The following NLRP13 variants were observed in gnomAD, a reference collection of about 807,000 sequenced individuals.
The protein encoded by NLRP13 is NLR family pyrin domain containing 13, also known as NACHT, LRR and PYD domains-containing protein 13.
Under a neutral mutation model 94.4 loss-of-function variants are expected in NLRP13, and 82 were observed. The ratio of observed to expected loss-of-function variants is 0.87; its 90% CI spans 0.73 to 1.04. NLRP13 has a LOEUF of 1.04. NLRP13 is among the 50% of genes least tolerant of loss of function. NLRP13 has a pLI of 0.00. For synonymous variants in NLRP13, 553 were observed against 464.7 expected, an observed-to-expected ratio of 1.19 and a Z score of -2.45; for missense variants, 1,426 against 1,230.8, an observed-to-expected ratio of 1.16 and a Z score of -2.37.
chr19:55,911,721 T>A lies in NLRP13; in HGVS notation c.2096A>T (p.Asp699Val), dbSNP rs374792815. 2.1e-5 allele frequency: 33 copies of A among 1,599,006 alleles called. No homozygotes were observed. The highest frequency in any genetic ancestry group is 2.6e-5 in the Non-Finnish European group (30 of 1,172,998). Residue 699 changes from aspartate to valine, a missense_variant, in exon 5 of 11, where the codon GAC becomes GTC. By Grantham distance (152) the Asp-to-Val change is radical. Coordinates refer to ENST00000342929, the MANE Select transcript of NLRP13 (RefSeq NM_176810.2). Reference sequence around the variant, plus strand: ...TAATACTCACTCCAGAATTTCCAAGTCCCTTTCAAGGATGTGACTGCTAAC... The same window carrying A: ...TAATACTCACTCCAGAATTTCCAAGACCCTTTCAAGGATGTGACTGCTAAC... ...LSVSSHILER[D>V]LEILETSKFD...
At chr19:55,926,541 C>T (rs770351252) in intron 1 of NLRP13, among the ~76,000 whole-genome samples, 12 of 152,124 alleles carry the variant, frequency 7.9e-5, no homozygotes, top group Non-Finnish European at 1.5e-4. Flanking sequence ...GCCTACCCTT[C>T]CTACACCCAA....
intron 1 of NLRP13, among the ~76,000 whole-genome samples, chr19:55,927,943 C>T (rs141130025): frequency 7.9e-5 from 12 of 152,066 alleles, no homozygotes; most frequent in African/African-American, 1.9e-4. Context: ...CAGTTGTGTC[C>T]GCAAACTCAC....
downstream of NLRP13, chr19:55,895,890 TA>T: frequency 6.4e-7 from 1 of 1,562,596 alleles, no homozygotes; most frequent in Admixed American, 1.8e-5. Flanking sequence ...TCTAGAAGCC[TA>T]GTCAATCTAG....
chr19:55,912,292 C>G lies in NLRP13; in HGVS notation c.1525G>C (p.Glu509Gln), dbSNP rs201000741. The change falls in exon 5 of 11, where the codon GAA becomes CAA. Residue 509 changes from glutamate to glutamine, a missense_variant. Physicochemically the swap from Glu to Gln is conservative, Grantham distance 29 (BLOSUM62 2). Transcript: ENST00000342929. ...TAGAGAGAATCAATGAAAGGCACTT[C>G]CAGGCCCTCGATCTCAGTGTCTTCT... ...NKEDTEIEGL[E>Q]VPFIDSLYEF... The G allele has an allele frequency of 1.2e-6, 2 of 1,614,106 alleles. No homozygotes were observed. Among genetic ancestry groups the G allele is most frequent in the Non-Finnish European group, 1.7e-6 (2 of 1,180,014 alleles).
Position 55,932,159 on chromosome 19 carries a change from G to T in NLRP13, c.153C>A (p.His51Gln), listed in dbSNP as rs1167330253. The T allele has an allele frequency of 1.2e-6, 2 of 1,614,202 alleles. No individual in the cohort carries two copies. The highest frequency in any genetic ancestry group is 2.2e-5 in the East Asian group (1 of 44,864). The change falls in exon 1 of 11, where the codon CAC becomes CAA. Residue 51 changes from histidine (H) to glutamine (Q), a missense_variant. Transcript: ENST00000342929. ...LMDFWSAPQG[H>Q]FPRIPWANLR... ...AGTTTGCCCAGGGGATACGCGGGAA[G>T]TGCCCCTGGGGGGCCGACCAGAAGT...
chr19:55,904,090 C>T (rs1304747719), intron 8 of NLRP13, among the ~76,000 whole-genome samples: 1 of 152,162 alleles, frequency 6.6e-6, no homozygotes, highest in Non-Finnish European at 1.5e-5. Flanking sequence ...CTCCAACATG[C>T]TGTGCTTATT....
intron 10 of NLRP13, among the ~76,000 whole-genome samples, chr19:55,897,143 A>AG (rs1309264369): frequency 6.6e-6 from 1 of 152,206 alleles, no homozygotes; most frequent in East Asian, 1.9e-4. Flanking sequence ...TTGGCTAGCT[A>AG]CTAGAAACAC....
In NLRP13 at chr19:55,913,114, C is replaced by A. The variant is rs1986575806; in HGVS notation, c.703G>T (p.Gly235Trp). Reference sequence around the variant, plus strand: ...GTGGTCTTCCCAACCCCTGCCCTCCCCACCAAGACTATCGTCTGGGCCTGG... The same window carrying A: ...GTGGTCTTCCCAACCCCTGCCCTCCACACCAAGACTATCGTCTGGGCCTGG... ...RAQAQTIVLVGRAGVGKTTLA... is the reference protein window; with the variant it reads ...RAQAQTIVLVWRAGVGKTTLA... Residue 235 changes from glycine to tryptophan, a missense_variant, in exon 5 of 11, where the codon GGG (glycine) becomes TGG (tryptophan). By Grantham distance (184) the Gly-to-Trp change is radical (BLOSUM62 -2). Coordinates refer to ENST00000342929, the MANE Select transcript of NLRP13 (RefSeq NM_176810.2). 6.2e-7 allele frequency: 1 copy of A among 1,614,064 alleles called. No individual in the cohort carries two copies. The highest frequency in any genetic ancestry group is 8.5e-7 in the Non-Finnish European group (1 of 1,180,036).
intron 4 of NLRP13, among the ~76,000 whole-genome samples, chr19:55,915,876 A>G (rs1986662358): frequency 6.6e-6 from 1 of 152,122 alleles, no homozygotes; most frequent in African/African-American, 2.4e-5. Context: ...GTAAACAACA[A>G]TCAAGCATAA....
Position 55,902,952 on chromosome 19 carries a change from CTAAT to C in NLRP13, c.2619-751_2619-748del, listed in dbSNP as rs998877401. Among the ~76,000 whole-genome samples, 701 of 139,724 alleles carry C rather than the reference CTAAT, an allele frequency of 5.0e-3. 8 individuals are homozygous for C. The highest frequency in any genetic ancestry group is 0.016 in the African/African-American group (608 of 37,846). 91.7% of individuals were successfully genotyped at this position (139,724 alleles called of 152,430 possible). A position where few individuals can be genotyped will look rare whatever the true frequency, so the allele number is the denominator to read the frequency against. ...TCAATTACATTATAAATTATAACAA[CTAAT>C]TGTTATAATATATAAATAACTGTAA... On this transcript the variant is annotated intron_variant, in intron 8 of 10. Transcript: ENST00000342929.
In NLRP13 at chr19:55,913,155, G is replaced by A; in HGVS notation, c.662C>T (p.Pro221Leu). 6.2e-7 allele frequency: 1 copy of A among 1,614,120 alleles called. No homozygotes were observed. The highest frequency in any genetic ancestry group is 8.5e-7 in the Non-Finnish European group (1 of 1,180,032). ...CTGGGCCTGGGCTCTAGTCCTATTA[G>A]GATCCAGTAGGCGCTGCAGTTCCTC... Reference protein sequence around the residue: ...EHEELQRLLDPNRTRAQAQTI... With the variant: ...EHEELQRLLDLNRTRAQAQTI... Residue 221 changes from proline (P) to leucine (L), a missense_variant, in exon 5 of 11, where the codon CCT becomes CTT. Physicochemically the swap from Pro to Leu is moderately conservative, Grantham distance 98 (BLOSUM62 -3). Coordinates refer to ENST00000342929, the MANE Select transcript of NLRP13 (RefSeq NM_176810.2).
chr19:55,910,481 T>C (rs1986474188), intron 6 of NLRP13, 82 bp downstream of exon 6: 5 of 1,332,846 alleles, frequency 3.8e-6, no homozygotes, highest in East Asian at 4.7e-5. Flanking sequence ...TTCTGGCAAA[T>C]AGTCAACCAC....
rs1568449401 is a variant in NLRP13, at chr19:55,931,721, A to AG, written c.319+271_319+272insC. 8.9e-3 allele frequency among the ~76,000 whole-genome samples: 748 copies of AG among 84,082 alleles called. 14 individuals are homozygous for AG. Among genetic ancestry groups the AG allele is most frequent in the Middle Eastern group, 0.026 (5 of 196 alleles). 55.2% of individuals were successfully genotyped at this position (84,082 alleles called of 152,430 possible). The stretch of plus-strand genomic sequence containing the variant: ...GGAGACTCAGGCTCAAAAAAAAAAA[A>AG]AAAAGAAAGAAAGAAAGAAAGAAAA... On this transcript the variant is annotated intron_variant, in intron 1 of 10. Transcript: ENST00000342929.
chr19:55,930,928 G>A (rs565722218), intron 1 of NLRP13, among the ~76,000 whole-genome samples: 9 of 105,384 alleles, frequency 8.5e-5, no homozygotes, highest in African/African-American at 3.7e-4. Context: ...AAACAGCATG[G>A]TTTTATACTT....
chr19:55,922,313 T>G (rs1986851121), intron 4 of NLRP13, among the ~76,000 whole-genome samples: 1 of 151,890 alleles, frequency 6.6e-6, no homozygotes, highest in African/African-American at 2.4e-5. Context: ...TTTTTTTTAT[T>G]GTTGTTTTTT....
intron 6 of NLRP13, among the ~76,000 whole-genome samples, chr19:55,909,753 G>T (rs572335285): frequency 6.6e-6 from 1 of 152,176 alleles, no homozygotes; most frequent in East Asian, 1.9e-4. Flanking sequence ...GTAATAGAAG[G>T]CCTGATGGCT....
At chr19:55,930,179 G>A (rs1226021211) in intron 1 of NLRP13, among the ~76,000 whole-genome samples, 1 of 152,152 alleles carries the variant, frequency 6.6e-6, no homozygotes, top group East Asian at 1.9e-4. Flanking sequence ...TTGAGGGTAG[G>A]AGAAGCTGTA....
At chr19:55,925,060 T>A (rs1830123917) in intron 1 of NLRP13, 25 bp from the exon 2 acceptor site, 1 of 1,607,222 alleles carries the variant, frequency 6.2e-7, no homozygotes, top group Non-Finnish European at 8.5e-7. Context: ...GATGATGACA[T>A]ATGAGAATAC....
chr19:55,930,388 T>C (rs1987081480), intron 1 of NLRP13, among the ~76,000 whole-genome samples: 1 of 152,200 alleles, frequency 6.6e-6, no homozygotes, highest in African/African-American at 2.4e-5. Flanking sequence ...AGCATTAAGA[T>C]AAATGCCTGG....
Sources: allele counts gnomAD v4.1 joint callset (sites outside exome capture counted in the v4.1 genomes callset), GRCh38; gene constraint gnomAD v4.1.1; transcripts MANE v1.5; gene names NCBI Gene and HGNC (gene_info 2026-07-23, HGNC 2026-07-21).